The following MEI4 variants were observed in gnomAD, a reference collection of about 807,000 sequenced individuals.
The protein encoded by MEI4 is meiosis-specific protein MEI4.
MEI4 carries 27 observed loss-of-function variants against 31.4 expected under a neutral mutation model. The ratio of observed to expected loss-of-function variants is 0.86; its 90% CI spans 0.63 to 1.19. The LOEUF (loss-of-function observed/expected upper bound fraction) is 1.19, where lower values mean the gene tolerates loss of function less well. Among genes scored for constraint, MEI4 ranks in the 50% most tolerant of loss-of-function variants. The pLI is 0.00. For missense variants in MEI4, 329 were observed against 398.9 expected (o/e 0.82, Z 1.49); for synonymous variants, 122 against 145.4 (o/e 0.84, Z 1.16).
At chr6:77,878,221 TA>T (rs70974689) in intron 4 of MEI4, among the ~76,000 whole-genome samples, 11 of 151,834 alleles carry the variant, frequency 7.2e-5, no homozygotes, top group African/African-American at 2.4e-4. Flanking sequence ...AGTAAATACA[TA>T]AAAAAACCTC....
At chr6:77,921,612 T>C (rs1766705390) in intron 4 of MEI4, among the ~76,000 whole-genome samples, 1 of 151,874 alleles carries the variant, frequency 6.6e-6, no homozygotes. Context: ...TTGACATGCC[T>C]TCTTCACTAA....
chr6:77,911,493 A>G (rs879889709), intron 4 of MEI4, among the ~76,000 whole-genome samples: 7 of 151,380 alleles, frequency 4.6e-5, no homozygotes, highest in Non-Finnish European at 7.4e-5. Context: ...CCTGGTGTCT[A>G]TTTTTCCCAT....
rs535381997 is a variant in MEI4 at position 77,761,868 on chromosome 6, A to G, written c.768+203A>G. Reference sequence around the variant, plus strand: ...TGCTACAGCATAGTTTTCTGCATAGATGCCTTTGCTTCAAACTTGTTCTGC... The same window carrying G: ...TGCTACAGCATAGTTTTCTGCATAGGTGCCTTTGCTTCAAACTTGTTCTGC... On this transcript the variant is annotated intron_variant, in intron 3 of 4. Transcript: ENST00000684080. Among the ~76,000 whole-genome samples the G allele has an allele frequency of 3.3e-5, 5 of 152,240 alleles. No individual in the cohort carries two copies. The South Asian group carries it at 1.0e-3, about 32-fold the overall frequency.
At chr6:77,694,443 T>C (rs1769219739) in intron 2 of MEI4, among the ~76,000 whole-genome samples, 1 of 138,912 alleles carries the variant, frequency 7.2e-6, no homozygotes, top group Admixed American at 7.9e-5. Context: ...CCCCGGAGTG[T>C]GATGTTCCCC....
At chr6:77,745,750 C>T (rs1767580952) in intron 2 of MEI4, among the ~76,000 whole-genome samples, 2 of 152,064 alleles carry the variant, frequency 1.3e-5, no homozygotes, top group African/African-American at 4.8e-5. Flanking sequence ...TGTAAAAGAA[C>T]AGAAATTATA....
At chr6:77,922,285 G>A (rs970327776) in intron 4 of MEI4, among the ~76,000 whole-genome samples, 6 of 151,524 alleles carry the variant, frequency 4.0e-5, no homozygotes, top group South Asian at 2.1e-4. Context: ...GAACAAAAAT[G>A]TACCAGGAAA....
chr6:77,906,070 TTTAA>T (rs1471845917), intron 4 of MEI4, among the ~76,000 whole-genome samples: 1 of 152,298 alleles, frequency 6.6e-6, no homozygotes, highest in Admixed American at 6.5e-5. Context: ...TTTATCATTT[TTTAA>T]TTGTTATCCC....
In MEI4 at chr6:77,851,348, C is replaced by T. The variant is rs181030615; in HGVS notation, c.900+22286C>T. 1.5e-3 allele frequency among the ~76,000 whole-genome samples: 225 copies of T among 152,072 alleles called. 1 individual carries two copies. The highest frequency in any genetic ancestry group is 4.6e-3 in the African/African-American group (190 of 41,470). On this transcript the variant is annotated intron_variant, in intron 4 of 4. Coordinates refer to ENST00000684080, the MANE Select transcript of MEI4 (RefSeq NM_001322247.2). ...GACACATGCACATGTATGTTTATTG[C>T]AGCACTATTCACAATAGCAAAGTCT...
chr6:77,904,131 CTT>C (rs1766242784), intron 4 of MEI4, among the ~76,000 whole-genome samples: 1 of 152,010 alleles, frequency 6.6e-6, no homozygotes, highest in African/African-American at 2.4e-5. Context: ...TCCTTCTTCT[CTT>C]ACATTCTTTG....
At chr6:77,879,980 T>C (rs1402410811) in intron 4 of MEI4, among the ~76,000 whole-genome samples, 1 of 152,186 alleles carries the variant, frequency 6.6e-6, no homozygotes, top group Non-Finnish European at 1.5e-5. Flanking sequence ...ACCTGTGCTT[T>C]AGAATGAGAT....
chr6:77,746,430 T>G (rs999696054), intron 2 of MEI4, among the ~76,000 whole-genome samples: 1 of 152,104 alleles, frequency 6.6e-6, no homozygotes, highest in African/African-American at 2.4e-5. Flanking sequence ...GGACTCCTCT[T>G]GCTCGAATGC....
chr6:77,867,034 A>T (rs1771052266), intron 4 of MEI4, among the ~76,000 whole-genome samples: 1 of 152,216 alleles, frequency 6.6e-6, no homozygotes, highest in African/African-American at 2.4e-5. Context: ...AGAAAGCTGA[A>T]ACTGGATCTC....
intron 3 of MEI4, among the ~76,000 whole-genome samples, chr6:77,794,619 TAACAA>T (rs1769030974): frequency 1.3e-5 from 2 of 151,824 alleles, no homozygotes; most frequent in Admixed American, 1.3e-4. Flanking sequence ...TTACAAATAT[TAACAA>T]AACTGAAGAG....
intron 4 of MEI4, among the ~76,000 whole-genome samples, chr6:77,829,312 A>G (rs1770025548): frequency 6.6e-6 from 1 of 152,190 alleles, no homozygotes; most frequent in South Asian, 2.1e-4. Context: ...GGTGACAGCA[A>G]AAGAGTGCTT....
chr6:77,861,284 A>G (rs1160555118), intron 4 of MEI4, among the ~76,000 whole-genome samples: 8 of 152,200 alleles, frequency 5.3e-5, no homozygotes, highest in Non-Finnish European at 1.2e-4. Flanking sequence ...TTGCAAAACC[A>G]CAATTACTTT....
chr6:77,807,519 TA>T (rs34205219), intron 3 of MEI4, among the ~76,000 whole-genome samples: 1 of 152,140 alleles, frequency 6.6e-6, no homozygotes, highest in Non-Finnish European at 1.5e-5. Context: ...CCTTGCTCCT[TA>T]AAAACATGAC....
intron 2 of MEI4, among the ~76,000 whole-genome samples, chr6:77,750,550 A>G (rs1767742323): frequency 6.6e-6 from 1 of 152,202 alleles, no homozygotes; most frequent in African/African-American, 2.4e-5. Context: ...TAAAGGGATC[A>G]ATACAACAAG....
chr6:77,777,921 ATAAAT>A (rs1443221432), intron 3 of MEI4, among the ~76,000 whole-genome samples: 5 of 152,162 alleles, frequency 3.3e-5, no homozygotes, highest in East Asian at 1.9e-4. Context: ...ATGAAAACAC[ATAAAT>A]TAATAACAGT....
chr6:77,907,457 G>A (rs1354634005), intron 4 of MEI4, among the ~76,000 whole-genome samples: 2 of 152,094 alleles, frequency 1.3e-5, no homozygotes, highest in Non-Finnish European at 2.9e-5. Flanking sequence ...TCCCTACAAA[G>A]GACATGAACT....
Sources: allele counts gnomAD v4.1 joint callset (sites outside exome capture counted in the v4.1 genomes callset), GRCh38; gene constraint gnomAD v4.1.1; transcripts MANE v1.5; gene names NCBI Gene and HGNC (gene_info 2026-07-23, HGNC 2026-07-21).